CFAP206: variants seen among roughly 807,000 people sequenced by gnomAD.
The protein encoded by CFAP206 is cilia and flagella associated protein 206, also known as cilia- and flagella-associated protein 206.
In CFAP206, 53 loss-of-function variants were observed where a neutral mutation model predicts 65.4. That is an observed-to-expected ratio of 0.81 (90% confidence interval 0.65 to 1.02). The LOEUF (loss-of-function observed/expected upper bound fraction) is 1.02. Ranked by LOEUF, CFAP206 falls within the 50% of genes least tolerant of loss-of-function variation. CFAP206 has a pLI of 0.00. For missense variants in CFAP206, 663 were observed against 753.2 expected, an observed-to-expected ratio of 0.88 and a Z score of 1.40; for synonymous variants, 250 against 254.4, an observed-to-expected ratio of 0.98 and a Z score of 0.17.
intron 11 of CFAP206, among the ~76,000 whole-genome samples, chr6:87,458,120 G>C (rs1768680065): frequency 6.6e-6 from 1 of 152,098 alleles, no homozygotes; most frequent in Admixed American, 6.6e-5. Flanking sequence ...ACTATAATGA[G>C]ATATCATCCC....
intron 10 of CFAP206, among the ~76,000 whole-genome samples, chr6:87,434,383 GCAGTCTTATCAACTTATCTTTTGAGACA>G (rs1274260669): frequency 6.8e-6 from 1 of 146,932 alleles, no homozygotes; most frequent in Non-Finnish European, 1.5e-5. Flanking sequence ...TTGATAAGAC[GCAGTCTTATCAACTTATCTTTTGAGACA>G]CAGTCTCAAA....
intron 6 of CFAP206, 81 bp from the exon 7 acceptor site, chr6:87,418,127 A>T: frequency 7.9e-7 from 1 of 1,265,394 alleles, no homozygotes. Flanking sequence ...TAATGTTTAA[A>T]ATGTAACTAC....
intron 11 of CFAP206, among the ~76,000 whole-genome samples, chr6:87,440,413 C>A (rs1199556993): frequency 6.6e-6 from 1 of 151,800 alleles, no homozygotes; most frequent in African/African-American, 2.4e-5. Flanking sequence ...TGTGGGCCAT[C>A]ACAATATATG....
intron 11 of CFAP206, among the ~76,000 whole-genome samples, chr6:87,443,698 G>A (rs1768391328): frequency 6.6e-6 from 1 of 152,092 alleles, no homozygotes; most frequent in South Asian, 2.1e-4. Context: ...ATGAAGCCGA[G>A]GCTTGGGGTA....
chr6:87,447,905 G>A (rs1011845380), intron 11 of CFAP206, among the ~76,000 whole-genome samples: 13 of 148,402 alleles, frequency 8.8e-5, no homozygotes, highest in Admixed American at 8.1e-4. Flanking sequence ...TTCAGTCTTG[G>A]GAGGGTGTAT....
rs993257475 is a variant in CFAP206, at chr6:87,442,389, C to G, written c.1494+7336C>G. 9.2e-5 allele frequency among the ~76,000 whole-genome samples: 14 copies of G among 152,160 alleles called. No individual in the cohort carries two copies. In the South Asian group the frequency reaches 2.9e-3, roughly 32 times the overall value. ...AATAGAGGCAGATACAGTTCAGTCT[C>G]CTGTAGTCTGTTGTTTCACCATTAG... On this transcript the variant is annotated intron_variant, in intron 11 of 12. Coordinates refer to ENST00000369562, the MANE Select transcript of CFAP206 (RefSeq NM_001031743.3).
chr6:87,427,315 A>G (rs1039658571), intron 8 of CFAP206, among the ~76,000 whole-genome samples: 1 of 151,634 alleles, frequency 6.6e-6, no homozygotes, highest in Non-Finnish European at 1.5e-5. Flanking sequence ...TTTTTTTTGC[A>G]TTTTTAGTAG....
At chr6:87,462,979 T>C (rs1222810872) in intron 12 of CFAP206, among the ~76,000 whole-genome samples, 1 of 152,206 alleles carries the variant, frequency 6.6e-6, no homozygotes, top group Non-Finnish European at 1.5e-5. Flanking sequence ...AAGTCAGAAT[T>C]GATTGAGAAT....
chr6:87,423,688 T>G (rs946163639), intron 7 of CFAP206, among the ~76,000 whole-genome samples: 1 of 152,228 alleles, frequency 6.6e-6, no homozygotes, highest in Non-Finnish European at 1.5e-5. Flanking sequence ...AAGACTGCAT[T>G]TTCGTATTGA....
In CFAP206 at chr6:87,435,180, G is replaced by A. The variant is rs191154530; in HGVS notation, c.1494+127G>A. 5.1e-5 allele frequency: 30 copies of A among 590,248 alleles called. No individual in the cohort carries two copies. The East Asian group carries it at 8.3e-4, about 16-fold the overall frequency. The allele number at this position is 590,248 out of a possible 1,614,324, so 36.6% of individuals were successfully genotyped here. A position where few individuals can be genotyped will look rare whatever the true frequency, so the allele number is the denominator to read the frequency against. ...AGTCAGATGAGGGTCTTTACAGGTT[G>A]TCTGAAAGGGATTCATATCTGAAGA... On this transcript the variant is annotated intron_variant, in intron 11 of 12. Transcript: ENST00000369562.
chr6:87,442,201 C>T (rs538727688), intron 11 of CFAP206: 1 of 153,372 alleles, frequency 6.5e-6, no homozygotes, highest in African/African-American at 2.4e-5. Context: ...AAATGAAATA[C>T]CTTTTTCTTT....
rs527755120 is a variant in CFAP206, at chr6:87,426,857, G to C, written c.960+212G>C. On this transcript the variant is annotated intron_variant, in intron 8 of 12. Coordinates refer to ENST00000369562, the MANE Select transcript of CFAP206 (RefSeq NM_001031743.3). ...ATAAGCAACTGCTACTAAAGGAACT[G>C]CAACTGTATAGTATGATAACCATAT... is the stretch of plus-strand genomic sequence containing the variant. Among the ~76,000 whole-genome samples, 5 of 152,320 alleles carry C rather than the reference G, an allele frequency of 3.3e-5. No homozygotes were observed. The South Asian group carries it at 1.0e-3, about 32-fold the overall frequency.
In CFAP206 at chr6:87,410,672, A is replaced by G; in HGVS notation, c.192+4A>G. 6.2e-7 allele frequency: 1 copy of G among 1,610,278 alleles called. No individual in the cohort carries two copies. The highest frequency in any genetic ancestry group is 1.3e-5 in the African/African-American group (1 of 74,928). ...TGATGTGCAGAATCTTGTTAAGGTG[A>G]TTACCCAACAGTCCTCAAATTTGCA... is the stretch of plus-strand genomic sequence containing the variant. On this transcript the variant is annotated splice_donor_region_variant and intron_variant, in intron 3 of 12. Coordinates refer to ENST00000369562, the MANE Select transcript of CFAP206 (RefSeq NM_001031743.3).
chr6:87,444,759 ATGT>A, intron 11 of CFAP206: 1 of 469,014 alleles, frequency 2.1e-6, no homozygotes, highest in Middle Eastern at 7.5e-4. Flanking sequence ...ACTTTCTCTG[ATGT>A]TCTGCAATTT....
intron 11 of CFAP206, among the ~76,000 whole-genome samples, chr6:87,453,100 C>A (rs1378467251): frequency 2.0e-5 from 3 of 151,902 alleles, no homozygotes; most frequent in African/African-American, 4.8e-5. Flanking sequence ...AAAGAAATAA[C>A]ATATAAAGGA....
At chr6:87,420,387 C>T (rs902568079) in intron 7 of CFAP206, among the ~76,000 whole-genome samples, 2 of 152,222 alleles carry the variant, frequency 1.3e-5, no homozygotes, top group Non-Finnish European at 2.9e-5. Flanking sequence ...CATGAATCCA[C>T]CAACTAAGTC....
At position 87,431,165 on chromosome 6, in the gene CFAP206, T is replaced by G; in HGVS notation, c.1292T>G (p.Leu431Arg). 2 of 1,613,566 alleles carry G rather than the reference T, an allele frequency of 1.2e-6. No homozygotes were observed. Residue 431 changes from leucine (L) to arginine (R), a missense_variant, in exon 10 of 13, where the codon CTC (leucine) becomes CGC (arginine). Transcript: ENST00000369562. ...AYTFAATDGL[L>R]LPGNPAIGIL... is the part of the protein sequence containing the mutation. ...ACGTTTGCTGCAACAGATGGTCTTCTCCTTCCAGGTATATCATTGGAAATG... is the reference window on the plus strand; with the variant it reads ...ACGTTTGCTGCAACAGATGGTCTTCGCCTTCCAGGTATATCATTGGAAATG...
chr6:87,448,606 C>T (rs903517707), intron 11 of CFAP206, among the ~76,000 whole-genome samples: 2 of 151,992 alleles, frequency 1.3e-5, no homozygotes, highest in African/African-American at 4.8e-5. Flanking sequence ...GAACTTATTC[C>T]TCCTATCTAA....
chr6:87,455,538 T>C (rs1768622974), intron 11 of CFAP206, among the ~76,000 whole-genome samples: 1 of 151,478 alleles, frequency 6.6e-6, no homozygotes, highest in African/African-American at 2.4e-5. Context: ...TGAAAAAATA[T>C]AAAAGATCAA....
Sources: allele counts gnomAD v4.1 joint callset (sites outside exome capture counted in the v4.1 genomes callset), GRCh38; gene constraint gnomAD v4.1.1; transcripts MANE v1.5; gene names NCBI Gene and HGNC (gene_info 2026-07-23, HGNC 2026-07-21).